Variants in DGUOK observed in about 807,000 individuals in gnomAD.
DGUOK encodes deoxyguanosine kinase, mitochondrial.
A neutral mutation model predicts 36.6 loss-of-function variants in DGUOK; 30 were observed. The observed-to-expected ratio is 0.82, with a 90% CI of 0.61 to 1.11. The LOEUF (loss-of-function observed/expected upper bound fraction) is 1.11, where lower values mean the gene tolerates loss of function less well. Among genes scored for constraint, DGUOK ranks in the 50% most tolerant of loss-of-function variants. The pLI, the probability that DGUOK is intolerant of heterozygous loss-of-function variation, is 0.00. For synonymous variants in DGUOK, 145 were observed against 126.3 expected (o/e 1.15, Z -0.99); for missense variants, 361 against 336.4 (o/e 1.07, Z -0.57).
chr2:73,957,289 C>A (rs1278819097), intron 5 of DGUOK, 49 bp downstream of exon 5: 3 of 1,436,160 alleles, frequency 2.1e-6, no homozygotes. Context: ...TGGCTCCCAA[C>A]AGCCAGTTGT....
intron 2 of DGUOK, among the ~76,000 whole-genome samples, chr2:73,940,879 A>G (rs1681847074): frequency 6.6e-6 from 1 of 152,208 alleles, no homozygotes; most frequent in South Asian, 2.1e-4. Context: ...ATGGTCACAC[A>G]GTGACAAAAT....
intron 4 of DGUOK, among the ~76,000 whole-genome samples, chr2:73,954,011 T>C (rs1285518935): frequency 6.6e-6 from 1 of 151,786 alleles, no homozygotes; most frequent in Non-Finnish European, 1.5e-5. Context: ...AGCCACCGCG[T>C]CTGGCCCCCT....
intron 1 of DGUOK, among the ~76,000 whole-genome samples, chr2:73,928,791 C>T (rs1008919838): frequency 6.6e-6 from 1 of 152,042 alleles, no homozygotes; most frequent in African/African-American, 2.4e-5. Context: ...TGGCTGATAA[C>T]ATTGAAAGTG....
intron 4 of DGUOK, 31 bp from the exon 5 acceptor site, chr2:73,957,094 A>T (rs1184564712): frequency 2.0e-6 from 3 of 1,527,940 alleles, no homozygotes; most frequent in South Asian, 2.2e-5. Context: ...AACAGCAAAG[A>T]GCTCATCAGG....
At chr2:73,932,769 A>C in intron 1 of DGUOK, 2 of 637,706 alleles carry the variant, frequency 3.1e-6, no homozygotes, top group South Asian at 4.0e-5. Flanking sequence ...GCATGTAAGG[A>C]AAATTGATCA....
At chr2:73,954,510 T>A (rs979429277) in intron 4 of DGUOK, among the ~76,000 whole-genome samples, 2 of 151,800 alleles carry the variant, frequency 1.3e-5, no homozygotes, top group Admixed American at 6.6e-5. Context: ...TCTCTAAAAA[T>A]TTTTTTTAAA....
intron 3 of DGUOK, chr2:73,947,129 A>T: frequency 1.7e-6 from 1 of 575,642 alleles, no homozygotes; most frequent in Non-Finnish European, 3.1e-6. Context: ...GAATGCTTTG[A>T]ATTTCTTACA....
At chr2:73,946,943 T>G in intron 3 of DGUOK, 37 bp downstream of exon 3, 1 of 1,558,682 alleles carries the variant, frequency 6.4e-7, no homozygotes. Flanking sequence ...ACAAGCCCCA[T>G]GCTCAGTGCT....
chr2:73,936,359 G>A (rs1681465296), intron 1 of DGUOK, among the ~76,000 whole-genome samples: 2 of 152,208 alleles, frequency 1.3e-5, no homozygotes, highest in Non-Finnish European at 2.9e-5. Flanking sequence ...GCAGGGGAGG[G>A]CATTTATTCA....
intron 2 of DGUOK, among the ~76,000 whole-genome samples, chr2:73,943,632 T>C (rs1682070726): frequency 6.6e-6 from 1 of 152,042 alleles, no homozygotes; most frequent in South Asian, 2.1e-4. Flanking sequence ...GACAACTGTT[T>C]TCTGCCTCAG....
intron 1 of DGUOK, among the ~76,000 whole-genome samples, chr2:73,929,758 A>G (rs926504074): frequency 6.6e-6 from 1 of 152,138 alleles, no homozygotes. Flanking sequence ...GGTGAACTTG[A>G]AAAGAACAGT....
At chr2:73,949,505 C>A (rs1286887443) in intron 3 of DGUOK, among the ~76,000 whole-genome samples, 1 of 152,180 alleles carries the variant, frequency 6.6e-6, no homozygotes, top group Non-Finnish European at 1.5e-5. Flanking sequence ...AGGATTATTA[C>A]AAGACATCAT....
rs566860554 is a variant in DGUOK, at chr2:73,953,954, G to A, written c.592-3171G>A. On this transcript the variant is annotated intron_variant, in intron 4 of 6. Coordinates refer to ENST00000264093, the MANE Select transcript of DGUOK (RefSeq NM_080916.3). The stretch of plus-strand genomic sequence containing the variant: ...GCCAGGATGGTCTCGATCTCCTGAC[G>A]TGATCCGCCCGCCTCGGCCTCCCAA... Among the ~76,000 whole-genome samples the A allele has an allele frequency of 9.9e-5, 15 of 152,050 alleles. No homozygotes were observed. In the East Asian group the frequency reaches 1.4e-3, roughly 14 times the overall value.
intron 4 of DGUOK, among the ~76,000 whole-genome samples, chr2:73,955,391 G>A (rs1683013613): frequency 6.6e-6 from 1 of 152,114 alleles, no homozygotes; most frequent in Admixed American, 6.5e-5. Context: ...AACCTCTAAG[G>A]AGGCAGTCTG....
At chr2:73,955,249 A>AATT (rs1451341086) in intron 4 of DGUOK, among the ~76,000 whole-genome samples, 4 of 152,228 alleles carry the variant, frequency 2.6e-5, no homozygotes, top group Non-Finnish European at 4.4e-5. Flanking sequence ...TGGAAACATA[A>AATT]AGTCACATTT....
rs1035206066 is a variant in DGUOK, at chr2:73,940,318, T to C, written c.255+1296T>C. Among the ~76,000 whole-genome samples, 4 of 152,350 alleles carry C rather than the reference T, an allele frequency of 2.6e-5. No individual in the cohort carries two copies. The East Asian group carries it at 7.7e-4, about 29-fold the overall frequency. On this transcript the variant is annotated intron_variant, in intron 2 of 6. Coordinates refer to ENST00000264093, the MANE Select transcript of DGUOK (RefSeq NM_080916.3). ...TGTTCACTTTCCACTTTGAATTTACTAAGAGTGCTACTTGGAGGTGAACAG... is the reference window on the plus strand; with the variant it reads ...TGTTCACTTTCCACTTTGAATTTACCAAGAGTGCTACTTGGAGGTGAACAG...
intron 1 of DGUOK, among the ~76,000 whole-genome samples, chr2:73,935,196 A>C (rs529730449): frequency 3.3e-5 from 5 of 152,116 alleles, no homozygotes; most frequent in Non-Finnish European, 7.4e-5. Context: ...AGCCAAGATC[A>C]CACCACTGCA....
At chr2:73,934,558 G>T (rs1273475416) in intron 1 of DGUOK, among the ~76,000 whole-genome samples, 4 of 152,070 alleles carry the variant, frequency 2.6e-5, no homozygotes, top group African/African-American at 9.7e-5. Context: ...TTCAAGACCA[G>T]CCTGGCCAAC....
At chr2:73,941,483 A>G (rs1382886287) in intron 2 of DGUOK, among the ~76,000 whole-genome samples, 1 of 152,244 alleles carries the variant, frequency 6.6e-6, no homozygotes, top group Non-Finnish European at 1.5e-5. Flanking sequence ...ATAGATTTAC[A>G]TATACTTACA....
Sources: allele counts gnomAD v4.1 joint callset (sites outside exome capture counted in the v4.1 genomes callset), GRCh38; gene constraint gnomAD v4.1.1; transcripts MANE v1.5; gene names NCBI Gene and HGNC (gene_info 2026-07-23, HGNC 2026-07-21).